Variants in DLC1 observed in about 807,000 individuals in gnomAD.
DLC1 encodes the protein rho GTPase-activating protein 7.
DLC1 carries 54 observed loss-of-function variants against 140.3 expected under a neutral mutation model. The ratio of observed to expected loss-of-function variants is 0.38; its 90% confidence interval spans 0.31 to 0.48. The LOEUF is 0.48. DLC1 is among the 20% of genes least tolerant of loss of function. The pLI, the probability that DLC1 is intolerant of heterozygous loss-of-function variation, is 0.96. For synonymous variants in DLC1, 986 were observed against 728.1 expected (o/e 1.35, Z -5.70); for missense variants, 2,536 against 1,907.0 (o/e 1.33, Z -6.14).
In DLC1 at chr8:13,394,110, A is replaced by C. The variant is rs149266710; in HGVS notation, c.1174-417T>G. 3.6e-3 allele frequency among the ~76,000 whole-genome samples: 553 copies of C among 152,322 alleles called. 1 individual carries two copies. The highest frequency in any genetic ancestry group is 6.1e-3 in the Non-Finnish European group (413 of 68,026). Reference sequence around the variant, plus strand: ...TTCCTCACAGGGCCACTGGATTTCAAATACAAAGAGAGTTCTCATTTCTTC... The same window carrying C: ...TTCCTCACAGGGCCACTGGATTTCACATACAAAGAGAGTTCTCATTTCTTC... On this transcript the variant is annotated intron_variant, in intron 3 of 17. Coordinates refer to ENST00000276297, the MANE Select transcript of DLC1 (RefSeq NM_182643.3).
intron 4 of DLC1, among the ~76,000 whole-genome samples, chr8:13,314,371 A>G (rs1478154056): frequency 6.7e-6 from 1 of 150,216 alleles, no homozygotes; most frequent in Non-Finnish European, 1.5e-5. Context: ...ATAGACTTGG[A>G]TAAAAATAGA....
At chr8:13,232,392 G>A (rs1451554733) in intron 5 of DLC1, among the ~76,000 whole-genome samples, 4 of 151,988 alleles carry the variant, frequency 2.6e-5, no homozygotes, top group Non-Finnish European at 5.9e-5. Context: ...GGTGTGCAGT[G>A]GTGTGATCTT....
At chr8:13,295,952 T>TTTTG in intron 5 of DLC1, among the ~76,000 whole-genome samples, 1 of 124,600 alleles carries the variant, frequency 8.0e-6, no homozygotes, top group Non-Finnish European at 1.7e-5. Context: ...GTTTTTTTTT[T>TTTTG]TTTTTTTTTT....
rs1199826847 is a variant in DLC1 at position 13,416,009 on chromosome 8, T to A, written c.1024-14390A>T. ...GGCACACCCTAAAATAAGTTTCTTA[T>A]TTGTGAAAAGGAAAAAAGCCTTTCA... On this transcript the variant is annotated intron_variant, in intron 2 of 17. Coordinates refer to ENST00000276297, the MANE Select transcript of DLC1 (RefSeq NM_182643.3). Among the ~76,000 whole-genome samples the A allele has an allele frequency of 2.0e-5, 3 of 152,168 alleles. No homozygotes were observed. In the South Asian group the frequency reaches 6.2e-4, roughly 31 times the overall value.
chr8:13,175,476 G>GT (rs1254835089), intron 5 of DLC1, among the ~76,000 whole-genome samples: 2 of 151,968 alleles, frequency 1.3e-5, no homozygotes, highest in East Asian at 3.9e-4. Context: ...GCAGATAGAT[G>GT]TTTAAGTGCT....
rs532479673 is a variant in DLC1 at position 13,131,957 on chromosome 8, C to T, written c.1349-16300G>A. Among the ~76,000 whole-genome samples, 4 of 152,310 alleles carry T rather than the reference C, an allele frequency of 2.6e-5. No homozygotes were observed. In the East Asian group the frequency reaches 7.7e-4, roughly 29 times the overall value. ...TGCTGCAGAGAGGAGGGGTGCACCT[C>T]CTTCGGAGGGATCAAAGGCTCGCCC... On this transcript the variant is annotated intron_variant, in intron 5 of 17. Transcript: ENST00000276297.
intron 2 of DLC1, among the ~76,000 whole-genome samples, chr8:13,406,631 T>A (rs773512656): frequency 6.6e-6 from 1 of 152,176 alleles, no homozygotes; most frequent in African/African-American, 2.4e-5. Context: ...ATGACATGTT[T>A]TCAAATCCTC....
intron 5 of DLC1, among the ~76,000 whole-genome samples, chr8:13,247,378 C>T (rs1238119254): frequency 3.3e-5 from 5 of 152,202 alleles, no homozygotes; most frequent in Non-Finnish European, 7.3e-5. Flanking sequence ...CAAAGAGTGG[C>T]ATGCTCTATG....
At chr8:13,531,884 C>T (rs560344609) in intron 1 of DLC1, among the ~76,000 whole-genome samples, 1 of 152,196 alleles carries the variant, frequency 6.6e-6, no homozygotes, top group South Asian at 2.1e-4. Context: ...AAAAAATAAA[C>T]CCCCTACTTA....
intron 7 of DLC1, among the ~76,000 whole-genome samples, chr8:13,106,244 G>C (rs1291200465): frequency 6.6e-6 from 1 of 152,160 alleles, no homozygotes; most frequent in Non-Finnish European, 1.5e-5. Context: ...GAGGGAGAAG[G>C]GGGAAAGATA....
chr8:13,141,114 G>C (rs1394412637), intron 5 of DLC1, among the ~76,000 whole-genome samples: 2 of 152,026 alleles, frequency 1.3e-5, no homozygotes, highest in Admixed American at 6.5e-5. Flanking sequence ...AATTAGCTGG[G>C]CATGGTGGCG....
At chr8:13,486,806 C>T (rs943151041) in intron 2 of DLC1, among the ~76,000 whole-genome samples, 1 of 152,094 alleles carries the variant, frequency 6.6e-6, no homozygotes, top group Non-Finnish European at 1.5e-5. Flanking sequence ...TGTGATTATC[C>T]TACAACAAAA....
intron 5 of DLC1, chr8:13,133,028 G>A (rs937435392): frequency 1.9e-6 from 3 of 1,590,416 alleles, no homozygotes; most frequent in Non-Finnish European, 2.6e-6. Context: ...GTCGAGGCAG[G>A]CGGAGGCGGC....
rs1273725177 is a variant in DLC1 at position 13,567,203 on chromosome 8, C to G, written c.-126+37334G>C. On this transcript the variant is annotated intron_variant, in intron 1 of 1. Transcript: ENST00000631382. ...AGCTTGGAACAAGGAGACACACAATCTGAGCTTTTGGACTATAAAAATTAT... is the reference window on the plus strand; with the variant it reads ...AGCTTGGAACAAGGAGACACACAATGTGAGCTTTTGGACTATAAAAATTAT... 2.6e-6 allele frequency: 4 copies of G among 1,551,626 alleles called. No individual in the cohort carries two copies. In the Admixed American group the frequency reaches 7.8e-5, roughly 30 times the overall value.
intron 5 of DLC1, among the ~76,000 whole-genome samples, chr8:13,157,529 C>T (rs1393106746): frequency 2.0e-5 from 3 of 152,208 alleles, no homozygotes; most frequent in African/African-American, 7.2e-5. Flanking sequence ...GTAATCACCA[C>T]ACACCTACTT....
At chr8:13,278,503 C>T (rs1036511230) in intron 5 of DLC1, among the ~76,000 whole-genome samples, 5 of 152,188 alleles carry the variant, frequency 3.3e-5, no homozygotes, top group African/African-American at 1.2e-4. Flanking sequence ...GGAAATATCA[C>T]ATCGACCAAA....
chr8:13,386,273 A>AT (rs902361228), intron 4 of DLC1, among the ~76,000 whole-genome samples: 3 of 151,896 alleles, frequency 2.0e-5, no homozygotes, highest in African/African-American at 4.8e-5. Context: ...TTATGTGTTC[A>AT]TTTTTTCCCG....
At chr8:13,375,638 T>A (rs1835943554) in intron 4 of DLC1, among the ~76,000 whole-genome samples, 1 of 152,210 alleles carries the variant, frequency 6.6e-6, no homozygotes, top group African/African-American at 2.4e-5. Context: ...TGATATTGGC[T>A]GTGGGTCTGT....
intron 1 of DLC1, chr8:13,557,606 T>C (rs1804093597): frequency 6.6e-6 from 1 of 152,156 alleles, no homozygotes; most frequent in Admixed American, 6.6e-5. Flanking sequence ...GGTTTTAAAG[T>C]GTGGTACTTC....
Sources: allele counts gnomAD v4.1 joint callset (sites outside exome capture counted in the v4.1 genomes callset), GRCh38; gene constraint gnomAD v4.1.1; transcripts MANE v1.5; gene names NCBI Gene and HGNC (gene_info 2026-07-23, HGNC 2026-07-21).